The following MN1 variants were observed in gnomAD, a reference collection of about 807,000 sequenced individuals.
MN1 encodes the protein transcriptional activator MN1.
MN1 carries 19 observed loss-of-function variants against 86.9 expected under a neutral mutation model. The observed-to-expected ratio is 0.22, with a 90% CI of 0.15 to 0.32. MN1 has a LOEUF of 0.32. Ranked by LOEUF, MN1 falls within the 10% of genes least tolerant of loss-of-function variation. MN1 has a pLI of 1.00. For missense variants in MN1, 1,841 were observed against 1,862.0 expected, an observed-to-expected ratio of 0.99 and a Z score of 0.21; for synonymous variants, 928 against 849.6, an observed-to-expected ratio of 1.09 and a Z score of -1.60.
intron 1 of MN1, among the ~76,000 whole-genome samples, chr22:27,766,106 G>A (rs547509935): frequency 6.6e-5 from 10 of 152,286 alleles, no homozygotes; most frequent in Admixed American, 5.9e-4. Flanking sequence ...TCTGCCGGAC[G>A]CTGGCTGTGT....
chr22:27,749,489 A>AT lies in MN1; in HGVS notation c.*1425_*1426insA, dbSNP rs1281971568. The AT allele has an allele frequency of 1.7e-5, 4 of 232,178 alleles. No homozygotes were observed. The highest frequency in any genetic ancestry group is 3.4e-5 in the Non-Finnish European group (4 of 117,458). 14.4% of individuals were successfully genotyped at this position (232,178 alleles called of 1,614,324 possible). ...GGGGAATCTATGTGCCCCCCACCAC[A>AT]AGCCATAAATGGCTTTTGCAGGCAT... On this transcript the variant is annotated 3_prime_UTR_variant, in exon 2 of 2. Transcript: ENST00000302326.
rs576242435 is a variant in MN1 at position 27,796,854 on chromosome 22, G to A, written c.3690C>T (p.Pro1230=). ...MAEHSAAWYM[P]ADKALVDSAD... is the part of the protein sequence containing the mutation. ...CGCTGTCCACCAGGGCCTTGTCAGC[G>A]GGCATGTACCAGGCAGCGCTGTGCT... The change falls in exon 1 of 2, where the codon CCC becomes CCT. Residue 1230 remains proline (P), a synonymous_variant. Coordinates refer to ENST00000302326, the MANE Select transcript of MN1 (RefSeq NM_002430.3). The A allele has an allele frequency of 9.3e-6, 15 of 1,612,988 alleles. No homozygotes were observed. Among genetic ancestry groups the A allele is most frequent in the Middle Eastern group, 3.3e-4 (2 of 6,022 alleles).
At chr22:27,760,874 C>A (rs561524088) in intron 1 of MN1, among the ~76,000 whole-genome samples, 1 of 152,228 alleles carries the variant, frequency 6.6e-6, no homozygotes, top group Non-Finnish European at 1.5e-5. Flanking sequence ...GGCTCCAGGG[C>A]GTGACCGTGA....
rs998544458 is a variant in MN1 at position 27,797,635 on chromosome 22, C to T, written c.2909G>A (p.Gly970Asp). The change falls in exon 1 of 2, where the codon GGC becomes GAC. Residue 970 changes from glycine (G) to aspartate (D), a missense_variant. By Grantham distance (94) the Gly-to-Asp change is moderately conservative. Transcript: ENST00000302326. ...CTGCCCTGGGCTCACCCCAGGTGCGCCCCCGCTGTCCGGAGCCGCCGAGTA... is the reference window on the plus strand; with the variant it reads ...CTGCCCTGGGCTCACCCCAGGTGCGTCCCCGCTGTCCGGAGCCGCCGAGTA... ...DKYSAAPDSG[G>D]APGVSPGQQQ... The T allele has an allele frequency of 4.4e-6, 7 of 1,593,992 alleles. No individual in the cohort carries two copies. The Admixed American group carries it at 8.6e-5, about 20-fold the overall frequency.
chr22:27,751,273 C>T, intron 1 of MN1, among the ~76,000 whole-genome samples, 177 bp from the exon 2 acceptor site: 1 of 152,194 alleles, frequency 6.6e-6, no homozygotes, highest in Admixed American at 6.5e-5. Context: ...TGCTGTTACC[C>T]CTGATTCATC....
In MN1 at chr22:27,799,941, G is replaced by C. The variant is rs570475237; in HGVS notation, c.603C>G (p.Ala201=). 1.2e-6 allele frequency: 2 copies of C among 1,603,270 alleles called. No homozygotes were observed. Among genetic ancestry groups the C allele is most frequent in the African/African-American group, 2.7e-5 (2 of 74,922 alleles). Residue 201 remains alanine, a synonymous_variant, in exon 1 of 2, where the codon GCC becomes GCG. Transcript: ENST00000302326. ...LPLDQSPNRA[A]SFHGLPSSSG... ...TGGAGGACGGCAGGCCGTGGAAGGAGGCGGCTCGGTTAGGGCTCTGGTCCA... is the reference window on the plus strand; with the variant it reads ...TGGAGGACGGCAGGCCGTGGAAGGACGCGGCTCGGTTAGGGCTCTGGTCCA...
chr22:27,791,473 C>T (rs1483873725), intron 1 of MN1, among the ~76,000 whole-genome samples: 1 of 152,060 alleles, frequency 6.6e-6, no homozygotes, highest in Admixed American at 6.6e-5. Flanking sequence ...TGAGGTTGGG[C>T]GATCCTGGCC....
At chr22:27,775,632 C>T (rs763038009) in intron 1 of MN1, among the ~76,000 whole-genome samples, 13 of 152,188 alleles carry the variant, frequency 8.5e-5, no homozygotes, top group Middle Eastern at 3.2e-3. Flanking sequence ...CCAAAACTCC[C>T]GCTTCACACT....
In MN1 at chr22:27,798,669, C is replaced by A; in HGVS notation, c.1875G>T (p.Leu625Phe). 6.5e-7 allele frequency: 1 copy of A among 1,546,780 alleles called. No individual in the cohort carries two copies. ...LGTFEQQAPH[L>F]AQESAWFSGP... ...CTGAGAACCACGCGCTCTCTTGCGC[C>A]AAGTGCGGCGCCTGCTGCTCGAAGG... is the stretch of plus-strand genomic sequence containing the variant. Residue 625 changes from leucine to phenylalanine, a missense_variant, in exon 1 of 2, where the codon TTG becomes TTT. Physicochemically the swap from Leu to Phe is conservative, Grantham distance 22. Coordinates refer to ENST00000302326, the MANE Select transcript of MN1 (RefSeq NM_002430.3).
rs762455386 is a variant in MN1, at chr22:27,797,706, T to G, written c.2838A>C (p.Arg946Ser). The G allele has an allele frequency of 6.2e-7, 1 of 1,610,710 alleles. No homozygotes were observed. Among genetic ancestry groups the G allele is most frequent in the East Asian group, 2.2e-5 (1 of 44,772 alleles). ...SGGGGRGRGR[R>S]KRDSGHVSPG... is the part of the protein sequence containing the mutation. ...GGCTCACGTGACCACTGTCCCTTTT[T>G]CTGCGACCCCGTCCCCGGCCGCCGC... Residue 946 changes from arginine (R) to serine (S), a missense_variant, in exon 1 of 2, where the codon AGA (arginine) becomes AGC (serine). Transcript: ENST00000302326.
chr22:27,780,840 T>C (rs984123342), intron 1 of MN1, among the ~76,000 whole-genome samples: 3 of 152,230 alleles, frequency 2.0e-5, no homozygotes, highest in Non-Finnish European at 4.4e-5. Context: ...TAGAACAGCA[T>C]CGCCATGTGG....
At chr22:27,793,344 G>A (rs1933241125) in intron 1 of MN1, among the ~76,000 whole-genome samples, 1 of 144,532 alleles carries the variant, frequency 6.9e-6, no homozygotes, top group Admixed American at 6.7e-5. Flanking sequence ...ACAAAGATAG[G>A]TGGATGAAGA....
At chr22:27,755,582 C>G (rs1450205430) in intron 1 of MN1, among the ~76,000 whole-genome samples, 1 of 152,244 alleles carries the variant, frequency 6.6e-6, no homozygotes, top group Non-Finnish European at 1.5e-5. Flanking sequence ...AAAAGCACTC[C>G]TCAGCTTTTC....
intron 1 of MN1, among the ~76,000 whole-genome samples, chr22:27,793,219 T>C (rs897328219): frequency 6.6e-6 from 1 of 152,110 alleles, no homozygotes; most frequent in Non-Finnish European, 1.5e-5. Flanking sequence ...CTTTTGAAAA[T>C]TGTAAGGGGC....
At chr22:27,786,842 G>GCACACA (rs59816177) in intron 1 of MN1, among the ~76,000 whole-genome samples, 37 of 140,680 alleles carry the variant, frequency 2.6e-4, no homozygotes, top group African/African-American at 8.1e-4. Flanking sequence ...ATGCCCGTGC[G>GCACACA]CACACACACA....
intron 1 of MN1, among the ~76,000 whole-genome samples, chr22:27,759,870 G>A (rs967488642): frequency 6.6e-6 from 1 of 152,174 alleles, no homozygotes. Context: ...CTAGTGGTTT[G>A]GGTAGATATA....
rs117996528 is a variant in MN1 at position 27,758,665 on chromosome 22, C to T, written c.3782-7569G>A. Among the ~76,000 whole-genome samples, 541 of 152,294 alleles carry T rather than the reference C, an allele frequency of 3.6e-3. 21 individuals carry two copies. In the East Asian group the frequency reaches 0.086, roughly 24 times the overall value. On this transcript the variant is annotated intron_variant, in intron 1 of 1. Coordinates refer to ENST00000302326, the MANE Select transcript of MN1 (RefSeq NM_002430.3). ...GCTCAAGCTTGGGCAAGTCACTTTC[C>T]CTCTCCGAGCCTCACCTTTCTTCTC...
At chr22:27,782,396 T>C (rs1933066191) in intron 1 of MN1, among the ~76,000 whole-genome samples, 1 of 152,236 alleles carries the variant, frequency 6.6e-6, no homozygotes, top group Non-Finnish European at 1.5e-5. Context: ...GTGCCTGAAG[T>C]ACAGCCTGGC....
chr22:27,753,906 G>T (rs1015014532), intron 1 of MN1, among the ~76,000 whole-genome samples: 1 of 152,094 alleles, frequency 6.6e-6, no homozygotes, highest in African/African-American at 2.4e-5. Context: ...AGCACTGCAA[G>T]ATCTGGACTG....
Sources: allele counts gnomAD v4.1 joint callset (sites outside exome capture counted in the v4.1 genomes callset), GRCh38; gene constraint gnomAD v4.1.1; transcripts MANE v1.5; gene names NCBI Gene and HGNC (gene_info 2026-07-23, HGNC 2026-07-21).